CLASP2: variants seen among roughly 807,000 people sequenced by gnomAD.
CLASP2 encodes CLIP-associating protein 2.
Under a neutral mutation model 194.4 loss-of-function variants are expected in CLASP2, and 47 were observed. The observed-to-expected ratio is 0.24, with a 90% CI of 0.19 to 0.31. The LOEUF (loss-of-function observed/expected upper bound fraction) is 0.31. Ranked by LOEUF, CLASP2 falls within the 10% of genes least tolerant of loss-of-function variation. The pLI is 1.00. For synonymous variants in CLASP2, 619 were observed against 633.5 expected (o/e 0.98, Z 0.34); for missense variants, 1,445 against 1,823.6 (o/e 0.79, Z 3.78).
At chr3:33,582,940 G>A (rs528766416) in intron 22 of CLASP2, among the ~76,000 whole-genome samples, 43 of 152,316 alleles carry the variant, frequency 2.8e-4, no homozygotes, top group African/African-American at 7.5e-4. Flanking sequence ...AGGCCTAAAC[G>A]AAATCGGTGC....
chr3:33,677,279 C>A (rs1215255729), intron 6 of CLASP2, among the ~76,000 whole-genome samples: 1 of 151,682 alleles, frequency 6.6e-6, no homozygotes, highest in African/African-American at 2.4e-5. Context: ...GCATTATTCA[C>A]AATAGCAAAG....
At chr3:33,588,834 C>T (rs933817034) in intron 21 of CLASP2, 1 of 663,218 alleles carries the variant, frequency 1.5e-6, no homozygotes, top group Non-Finnish European at 2.7e-6. Flanking sequence ...AAGCTTTAGT[C>T]AGTTCTCAGA....
chr3:33,595,629 T>C (rs896122506), intron 19 of CLASP2, among the ~76,000 whole-genome samples: 1 of 152,008 alleles, frequency 6.6e-6, no homozygotes, highest in African/African-American at 2.4e-5. Context: ...AAACATAGGA[T>C]TGAACATCAG....
intron 15 of CLASP2, 91 bp from the exon 16 acceptor site, chr3:33,606,849 G>T: frequency 1.1e-6 from 1 of 916,862 alleles, no homozygotes; most frequent in Non-Finnish European, 1.6e-6. Context: ...ATGAAGATAA[G>T]CCCACTGGTT....
intron 1 of CLASP2, among the ~76,000 whole-genome samples, chr3:33,709,317 T>C (rs769494912): frequency 1.3e-5 from 2 of 152,216 alleles, no homozygotes; most frequent in Non-Finnish European, 2.9e-5. Flanking sequence ...TCATCCAATT[T>C]CATTCTTTTG....
At chr3:33,507,807 C>T (rs1037787856) in intron 37 of CLASP2, among the ~76,000 whole-genome samples, 2 of 151,702 alleles carry the variant, frequency 1.3e-5, no homozygotes, top group African/African-American at 2.4e-5. Context: ...CTAGTTGTCC[C>T]ACCTTCAGTG....
intron 37 of CLASP2, among the ~76,000 whole-genome samples, chr3:33,507,810 C>G (rs972336914): frequency 2.6e-5 from 4 of 151,690 alleles, no homozygotes; most frequent in African/African-American, 9.7e-5. Flanking sequence ...GTTGTCCCAC[C>G]TTCAGTGATG....
chr3:33,561,129 G>A (rs548472163), intron 27 of CLASP2, among the ~76,000 whole-genome samples, 158 bp from the exon 28 acceptor site: 3 of 152,334 alleles, frequency 2.0e-5, no homozygotes, highest in African/African-American at 7.2e-5. Flanking sequence ...ATTGGACTCT[G>A]TGATACAAGA....
At chr3:33,689,671 C>A in intron 3 of CLASP2, 158 bp downstream of exon 3, 1 of 469,222 alleles carries the variant, frequency 2.1e-6, no homozygotes, top group Non-Finnish European at 3.7e-6. Context: ...AGCAAAAAAC[C>A]AGAAAGTCAA....
intron 6 of CLASP2, among the ~76,000 whole-genome samples, chr3:33,668,482 A>T (rs2086586899): frequency 6.6e-6 from 1 of 152,364 alleles, no homozygotes; most frequent in South Asian, 2.1e-4. Context: ...AAATGAATGT[A>T]ATATTCAGTA....
intron 21 of CLASP2, among the ~76,000 whole-genome samples, chr3:33,587,972 G>C (rs770770865): frequency 6.6e-6 from 1 of 152,182 alleles, no homozygotes; most frequent in Non-Finnish European, 1.5e-5. Context: ...AGAATTTCTT[G>C]AAATGTGGGT....
In CLASP2 at chr3:33,528,998, C is replaced by A. The variant is rs147803905; in HGVS notation, c.3787+6235G>T. 5.4e-3 allele frequency among the ~76,000 whole-genome samples: 817 copies of A among 152,194 alleles called. 6 individuals carry two copies. Among genetic ancestry groups the A allele is most frequent in the African/African-American group, 0.018 (754 of 41,536 alleles). On this transcript the variant is annotated intron_variant, in intron 34 of 38. Coordinates refer to ENST00000682230, the MANE Select transcript of CLASP2 (RefSeq NM_001365631.1). ...AGTTTCAGGATATAAAATCAACATA[C>A]GAAAATCACTAGCATTCCTATACAC...
rs764613761 is a variant in CLASP2, at chr3:33,584,743, AT to A, written c.2239+6del. 2.2e-5 allele frequency: 34 copies of A among 1,561,906 alleles called. No individual in the cohort carries two copies. The highest frequency in any genetic ancestry group is 4.3e-5 in the Admixed American group (2 of 46,334). On this transcript the variant is annotated splice_donor_region_variant and intron_variant, in intron 22 of 38. Transcript: ENST00000682230. The stretch of plus-strand genomic sequence containing the variant: ...TGTCTCACATAAAAAAAAAAAAAAA[AT>A]CTTACCCACTGAAAGCCTAGATGGA...
rs527255586 is a variant in CLASP2 at position 33,717,799 on chromosome 3, G to T, written c.195+9C>A. 2.1e-5 allele frequency: 33 copies of T among 1,552,228 alleles called. No individual in the cohort carries two copies. Among genetic ancestry groups the T allele is most frequent in the Non-Finnish European group, 2.9e-5 (33 of 1,148,624 alleles). On this transcript the variant is annotated intron_variant, in intron 1 of 38. Transcript: ENST00000682230. ...GCGTGACCAGCCCAGCCTCGCCGCCGTCGCTTACCCGGTAGTTGCTCGAAC... is the reference window on the plus strand; with the variant it reads ...GCGTGACCAGCCCAGCCTCGCCGCCTTCGCTTACCCGGTAGTTGCTCGAAC...
chr3:33,671,905 T>G (rs977112521), intron 6 of CLASP2, among the ~76,000 whole-genome samples: 10 of 151,934 alleles, frequency 6.6e-5, no homozygotes, highest in Non-Finnish European at 1.2e-4. Flanking sequence ...TGCCCGCCAT[T>G]GCCCAGGCTT....
intron 38 of CLASP2, among the ~76,000 whole-genome samples, chr3:33,500,932 A>G (rs2046709813): frequency 6.6e-6 from 1 of 152,066 alleles, no homozygotes; most frequent in Admixed American, 6.6e-5. Flanking sequence ...TATTAGAGAC[A>G]CGGTCTTCTC....
intron 3 of CLASP2, chr3:33,689,584 C>T (rs544502153): frequency 1.5e-5 from 5 of 327,686 alleles, no homozygotes; most frequent in South Asian, 7.7e-5. Flanking sequence ...TAACATAATC[C>T]GTATACTGTC....
At chr3:33,596,403 A>G (rs1010084702) in intron 19 of CLASP2, among the ~76,000 whole-genome samples, 4 of 152,114 alleles carry the variant, frequency 2.6e-5, no homozygotes, top group African/African-American at 9.7e-5. Context: ...TGAATCCAAT[A>G]TTTTTTATTA....
At chr3:33,639,355 A>C (rs1312292765) in intron 8 of CLASP2, among the ~76,000 whole-genome samples, 1 of 152,134 alleles carries the variant, frequency 6.6e-6, no homozygotes, top group Non-Finnish European at 1.5e-5. Flanking sequence ...ACCATGTCCC[A>C]ATATGGTCCT....
Sources: gnomAD v4.1 joint callset for allele counts (sites outside exome capture counted in the v4.1 genomes callset) on GRCh38, gnomAD v4.1.1 for gene constraint, MANE v1.5 for transcripts, NCBI Gene and HGNC (gene_info 2026-07-23, HGNC 2026-07-21) for gene names.